PTPRO: variants seen among roughly 807,000 people sequenced by gnomAD.
The protein encoded by PTPRO is receptor-type tyrosine-protein phosphatase O.
In PTPRO, 62 loss-of-function variants were observed where a neutral mutation model predicts 145.2. The ratio of observed to expected loss-of-function variants is 0.43; its 90% CI spans 0.35 to 0.53. The LOEUF is 0.53. PTPRO is among the 20% of genes least tolerant of loss of function. The pLI is 0.01. For synonymous variants in PTPRO, 565 were observed against 514.7 expected (o/e 1.10, Z -1.32); for missense variants, 1,345 against 1,482.7 (o/e 0.91, Z 1.53).
intron 1 of PTPRO, among the ~76,000 whole-genome samples, chr12:15,337,831 G>T (rs1866818401): frequency 6.6e-6 from 1 of 152,178 alleles, no homozygotes; most frequent in Non-Finnish European, 1.5e-5. Flanking sequence ...GTCTCATTCT[G>T]TATGATTCCA....
At chr12:15,339,802 C>G (rs1221986642) in intron 1 of PTPRO, among the ~76,000 whole-genome samples, 4 of 152,078 alleles carry the variant, frequency 2.6e-5, no homozygotes, top group Non-Finnish European at 5.9e-5. Context: ...TATATATGCT[C>G]CCATACTTGT....
chr12:15,583,912 G>T (rs139271628), intron 23 of PTPRO, among the ~76,000 whole-genome samples: 1 of 152,132 alleles, frequency 6.6e-6, no homozygotes, highest in Non-Finnish European at 1.5e-5. Flanking sequence ...GCAAATCCCC[G>T]TATGACTCTA....
intron 1 of PTPRO, among the ~76,000 whole-genome samples, chr12:15,451,992 G>A (rs1941058529): frequency 6.6e-6 from 1 of 151,908 alleles, no homozygotes; most frequent in Admixed American, 6.6e-5. Flanking sequence ...AAATAACTAA[G>A]ATAAGAGTAG....
intron 1 of PTPRO, among the ~76,000 whole-genome samples, chr12:15,355,483 T>A (rs1295440925): frequency 6.6e-6 from 1 of 152,066 alleles, no homozygotes; most frequent in Non-Finnish European, 1.5e-5. Flanking sequence ...CCTTCCAGCA[T>A]GTAAATGCAA....
At chr12:15,410,308 G>C (rs1939764411) in intron 1 of PTPRO, 1 of 152,156 alleles carries the variant, frequency 6.6e-6, no homozygotes, top group Admixed American at 6.5e-5. Flanking sequence ...TTCCAGGAGA[G>C]ATAAGTATTG....
intron 1 of PTPRO, among the ~76,000 whole-genome samples, chr12:15,383,307 T>C (rs1361387161): frequency 6.6e-6 from 1 of 152,034 alleles, no homozygotes; most frequent in Non-Finnish European, 1.5e-5. Flanking sequence ...CTTTCTTCTT[T>C]TTTAAGACCA....
chr12:15,397,998 C>T (rs1306195201), intron 1 of PTPRO, among the ~76,000 whole-genome samples: 4 of 152,032 alleles, frequency 2.6e-5, no homozygotes, highest in African/African-American at 7.2e-5. Context: ...GGAATAAACC[C>T]CAAGTCAAAA....
intron 21 of PTPRO, 51 bp from the exon 22 acceptor site, chr12:15,580,646 T>C: frequency 6.2e-7 from 1 of 1,612,416 alleles, no homozygotes. Flanking sequence ...GAAGCAGCAT[T>C]TGGTGTTGAC....
intron 1 of PTPRO, among the ~76,000 whole-genome samples, chr12:15,452,514 T>A (rs1473469808): frequency 6.6e-6 from 1 of 152,070 alleles, no homozygotes; most frequent in Non-Finnish European, 1.5e-5. Context: ...ATCACCCTAA[T>A]ACCAAAACGG....
intron 12 of PTPRO, among the ~76,000 whole-genome samples, chr12:15,533,495 C>T (rs532978504): frequency 2.0e-5 from 3 of 152,242 alleles, no homozygotes; most frequent in African/African-American, 7.2e-5. Context: ...GCCTGAACAC[C>T]TATAACTGCT....
intron 1 of PTPRO, among the ~76,000 whole-genome samples, chr12:15,347,577 T>C (rs887316709): frequency 1.3e-5 from 2 of 152,194 alleles, no homozygotes; most frequent in African/African-American, 4.8e-5. Context: ...CACCACTCTT[T>C]ACCTACCACG....
chr12:15,533,548 T>G (rs1438197661), intron 12 of PTPRO, among the ~76,000 whole-genome samples: 1 of 152,162 alleles, frequency 6.6e-6, no homozygotes, highest in Non-Finnish European at 1.5e-5. Context: ...GACCTCAAAG[T>G]TGAACATAGT....
chr12:15,515,581 G>C lies in PTPRO; in HGVS notation c.1548G>C (p.Leu516Phe). The C allele has an allele frequency of 6.2e-7, 1 of 1,614,032 alleles. No homozygotes were observed. Among genetic ancestry groups the C allele is most frequent in the East Asian group, 2.2e-5 (1 of 44,852 alleles). ...TAATATACCTAAGGAAAGGCCCTTT[G>C]ATTGGACCACCTTCAGATCCTGTGA... is the stretch of plus-strand genomic sequence containing the variant. Reference protein sequence around the residue: ...QVVIYLRKGPLIGPPSDPVTF... With the variant: ...QVVIYLRKGPFIGPPSDPVTF... The change falls in exon 8 of 27, where the codon TTG becomes TTC. Residue 516 changes from leucine to phenylalanine, a missense_variant. Coordinates refer to ENST00000281171, the MANE Select transcript of PTPRO (RefSeq NM_030667.3).
chr12:15,520,983 G>A (rs558202606), intron 10 of PTPRO, among the ~76,000 whole-genome samples: 3 of 152,094 alleles, frequency 2.0e-5, no homozygotes, highest in South Asian at 4.2e-4. Context: ...TTAGATCCTC[G>A]GAAACCTTAA....
rs1312740056 is a variant in PTPRO, at chr12:15,596,552, A to T, written c.*479A>T. 4 of 152,674 alleles carry T rather than the reference A, an allele frequency of 2.6e-5. No individual in the cohort carries two copies. Among genetic ancestry groups the T allele is most frequent in the Admixed American group, 6.5e-5 (1 of 15,286 alleles). The allele number at this position is 152,674 out of a possible 1,614,324, so 9.5% of individuals were successfully genotyped here. ...CATCAGATTATACCTCATTATTAAA[A>T]GGAGGCATGGCCACACATGAAGAAA... On this transcript the variant is annotated 3_prime_UTR_variant, in exon 27 of 27. Coordinates refer to ENST00000281171, the MANE Select transcript of PTPRO (RefSeq NM_030667.3).
At chr12:15,527,883 A>ACCACCCCCC (rs1942875844) in intron 12 of PTPRO, among the ~76,000 whole-genome samples, 6 of 90,312 alleles carry the variant, frequency 6.6e-5, no homozygotes, top group South Asian at 6.6e-4. Flanking sequence ...TGACCCGCCC[A>ACCACCCCCC]CGCTACCCAG....
intron 24 of PTPRO, among the ~76,000 whole-genome samples, chr12:15,587,640 T>C (rs1309060718): frequency 6.6e-6 from 1 of 152,188 alleles, no homozygotes; most frequent in African/African-American, 2.4e-5. Flanking sequence ...AAAATCAAGG[T>C]CCACACTAAT....
chr12:15,524,382 C>A (rs1942793246), intron 10 of PTPRO, among the ~76,000 whole-genome samples: 1 of 152,150 alleles, frequency 6.6e-6, no homozygotes, highest in South Asian at 2.1e-4. Context: ...TTCCCATAAA[C>A]ACCTTTGCTG....
chr12:15,516,950 A>T lies in PTPRO; in HGVS notation c.1773A>T (p.Ala591=). Residue 591 remains alanine, a synonymous_variant, in exon 9 of 27, where the codon GCA becomes GCT. Coordinates refer to ENST00000281171, the MANE Select transcript of PTPRO (RefSeq NM_030667.3). ...YEIAATVSLT[A]SVRIANLLPA... ...TAGCAGCAACTGTTTCCTTAACTGC[A>T]TCCGTGGTAATCTTCCCTTAACCAA... 1 of 1,612,266 alleles carries T rather than the reference A, an allele frequency of 6.2e-7. No individual in the cohort carries two copies. Among genetic ancestry groups the T allele is most frequent in the Non-Finnish European group, 8.5e-7 (1 of 1,178,272 alleles).
Sources: allele counts gnomAD v4.1 joint callset (sites outside exome capture counted in the v4.1 genomes callset), GRCh38; gene constraint gnomAD v4.1.1; transcripts MANE v1.5; gene names NCBI Gene and HGNC (gene_info 2026-07-23, HGNC 2026-07-21).